Variants in CALN1 observed in about 807,000 individuals in gnomAD.
The protein encoded by CALN1 is calcium-binding protein 8.
CALN1 carries 17 observed loss-of-function variants against 30.6 expected under a neutral mutation model. That is an observed-to-expected ratio of 0.56 (90% CI 0.38 to 0.83). The LOEUF is 0.83. Ranked by LOEUF, CALN1 falls within the 40% of genes least tolerant of loss-of-function variation. The pLI is 0.00. For synonymous variants in CALN1, 156 were observed against 131.4 expected (o/e 1.19, Z -1.28); for missense variants, 291 against 354.9 (o/e 0.82, Z 1.45).
intron 4 of CALN1, among the ~76,000 whole-genome samples, chr7:72,049,591 C>T (rs1187424271): frequency 4.6e-5 from 7 of 151,838 alleles, no homozygotes; most frequent in Admixed American, 2.0e-4. Context: ...CACTGCAACC[C>T]CTGCCTCCCA....
intron 3 of CALN1, among the ~76,000 whole-genome samples, chr7:72,211,307 C>G (rs1792378356): frequency 6.6e-6 from 1 of 152,286 alleles, no homozygotes; most frequent in South Asian, 2.1e-4. Context: ...GCACACACCA[C>G]TGCTTTTGCT....
chr7:72,432,139 A>G (rs1807998745), intron 1 of CALN1, among the ~76,000 whole-genome samples: 1 of 152,122 alleles, frequency 6.6e-6, no homozygotes, highest in South Asian at 2.1e-4. Flanking sequence ...TAACTGAATC[A>G]TGGGAGTGGG....
the CALN1 span, among the ~76,000 whole-genome samples, chr7:72,501,903 C>CCCA: frequency 1.6e-5 from 1 of 60,684 alleles, no homozygotes. Context: ...AGCGAGATTT[C>CCCA]GTCTCAAAAA....
rs1417786879 is a variant in CALN1 at position 72,322,760 on chromosome 7, G to A, written c.120-43950C>T. On this transcript the variant is annotated intron_variant, in intron 2 of 6. Coordinates refer to ENST00000395275, the MANE Select transcript of CALN1 (RefSeq NM_031468.4). ...ACCCTAGTACTTGCTAGGACAACAG[G>A]GTAACTATAGTCAAAAATAATTTAA... is the stretch of plus-strand genomic sequence containing the variant. 2.6e-5 allele frequency among the ~76,000 whole-genome samples: 4 copies of A among 151,478 alleles called. No individual in the cohort carries two copies. In the East Asian group the frequency reaches 7.7e-4, roughly 29 times the overall value.
chr7:72,273,013 G>A (rs1797097386), intron 3 of CALN1, among the ~76,000 whole-genome samples: 1 of 151,772 alleles, frequency 6.6e-6, no homozygotes, highest in Admixed American at 6.6e-5. Flanking sequence ...AGAATTCTGT[G>A]GCATAGGGCG....
At chr7:72,462,839 A>G in the CALN1 span, among the ~76,000 whole-genome samples, 1 of 152,270 alleles carries the variant, frequency 6.6e-6, no homozygotes, top group African/African-American at 2.4e-5. Flanking sequence ...CCGGGCACAT[A>G]CTTTCCTCTA....
At chr7:72,445,710 C>T in intron 1 of CALN1, among the ~76,000 whole-genome samples, 1 of 152,176 alleles carries the variant, frequency 6.6e-6, no homozygotes, top group Non-Finnish European at 1.5e-5. Context: ...ATACAAAATG[C>T]ATTGCACCCC....
intron 2 of CALN1, among the ~76,000 whole-genome samples, chr7:72,313,225 C>A (rs1585448484): frequency 6.6e-6 from 1 of 151,982 alleles, no homozygotes; most frequent in East Asian, 1.9e-4. Context: ...AGAGGTCAAC[C>A]CAGATGAGTA....
the CALN1 span, among the ~76,000 whole-genome samples, chr7:72,478,975 G>A: frequency 4.7e-5 from 7 of 148,864 alleles, 1 homozygote; most frequent in African/African-American, 2.5e-5. Context: ...TCCACCTCCC[G>A]GGTTCAAGTG....
At chr7:71,875,674 T>C (rs1792201201) in intron 5 of CALN1, among the ~76,000 whole-genome samples, 1 of 152,084 alleles carries the variant, frequency 6.6e-6, no homozygotes, top group Non-Finnish European at 1.5e-5. Context: ...ATCTGGAGAA[T>C]AGGTGAATAA....
At chr7:72,499,571 T>A in the CALN1 span, among the ~76,000 whole-genome samples, 28 of 151,994 alleles carry the variant, frequency 1.8e-4, no homozygotes, top group Admixed American at 2.6e-4. Flanking sequence ...AAAAAATCAG[T>A]TTAAGATAAA....
chr7:72,417,118 C>G (rs1485735611), upstream of CALN1, among the ~76,000 whole-genome samples: 5 of 152,196 alleles, frequency 3.3e-5, no homozygotes, highest in Admixed American at 1.3e-4. Context: ...GGAGGGCGGT[C>G]CCAGCCGTGA....
At chr7:71,879,237 T>C (rs933117309) in intron 5 of CALN1, among the ~76,000 whole-genome samples, 2 of 152,142 alleles carry the variant, frequency 1.3e-5, no homozygotes, top group African/African-American at 4.8e-5. Context: ...AACTGAGATA[T>C]GTTTTTTTCT....
At chr7:72,261,445 G>A (rs1796268165) in intron 3 of CALN1, among the ~76,000 whole-genome samples, 2 of 150,358 alleles carry the variant, frequency 1.3e-5, no homozygotes, top group East Asian at 2.0e-4. Context: ...TTTTCTTAGA[G>A]TATCACTCTG....
chr7:71,963,098 G>C (rs139038051), intron 5 of CALN1, among the ~76,000 whole-genome samples: 203 of 152,264 alleles, frequency 1.3e-3, no homozygotes, highest in African/African-American at 4.5e-3. Context: ...GTTTACTCTT[G>C]CTAGTGTCAC....
At chr7:72,296,280 G>A (rs1384390116) in intron 2 of CALN1, among the ~76,000 whole-genome samples, 10 of 147,826 alleles carry the variant, frequency 6.8e-5, no homozygotes, top group Non-Finnish European at 1.5e-4. Context: ...TTTTATTGAG[G>A]ATTTTTGCAT....
chr7:71,950,755 C>T (rs1796648777), intron 5 of CALN1, among the ~76,000 whole-genome samples: 1 of 152,224 alleles, frequency 6.6e-6, no homozygotes, highest in South Asian at 2.1e-4. Flanking sequence ...CAGCCCACTG[C>T]ACATCTGGCA....
chr7:72,018,605 C>T lies in CALN1; in HGVS notation c.501+5052G>A, dbSNP rs1800533691. On this transcript the variant is annotated intron_variant, in intron 5 of 6. Transcript: ENST00000395275. ...GCGTATGCCGGGAGGACTGGAGACC[C>T]TGGGGCATGACTCTCAGACCATCCT... Among the ~76,000 whole-genome samples, 3 of 152,162 alleles carry T rather than the reference C, an allele frequency of 2.0e-5. No homozygotes were observed. The South Asian group carries it at 6.2e-4, about 31-fold the overall frequency.
At chr7:71,857,847 T>C (rs1791046598) in intron 5 of CALN1, among the ~76,000 whole-genome samples, 2 of 152,222 alleles carry the variant, frequency 1.3e-5, no homozygotes, top group African/African-American at 4.8e-5. Context: ...GAGAAATAGC[T>C]GAGTCCTTCA....
Sources: allele counts gnomAD v4.1 joint callset (sites outside exome capture counted in the v4.1 genomes callset), GRCh38; gene constraint gnomAD v4.1.1; transcripts MANE v1.5; gene names NCBI Gene and HGNC (gene_info 2026-07-23, HGNC 2026-07-21).